Variants in PTPRA observed in about 807,000 individuals in gnomAD.
PTPRA encodes receptor-type tyrosine-protein phosphatase alpha.
Under a neutral mutation model 104.8 loss-of-function variants are expected in PTPRA, and 25 were observed. The observed-to-expected ratio is 0.24, with a 90% CI of 0.17 to 0.33. The LOEUF is 0.33. Among genes scored for constraint, PTPRA ranks in the 10% least tolerant of loss-of-function variants. The probability of loss-of-function intolerance (pLI) is 1.00; values close to 1 mark genes in which losing one functional copy is unlikely to be tolerated. For missense variants in PTPRA, 765 were observed against 1,015.3 expected (o/e 0.75, Z 3.35); for synonymous variants, 323 against 368.9 (o/e 0.88, Z 1.43).
chr20:2,967,503 T>G (rs1417283030), intron 5 of PTPRA, among the ~76,000 whole-genome samples: 1 of 152,236 alleles, frequency 6.6e-6, no homozygotes, highest in Non-Finnish European at 1.5e-5. Context: ...ATAAATGGAT[T>G]GTTTTTCTTG....
intron 19 of PTPRA, 60 bp downstream of exon 19, chr20:3,027,257 G>T (rs1439992744): frequency 2.0e-6 from 3 of 1,509,656 alleles, no homozygotes; most frequent in Non-Finnish European, 2.8e-6. Flanking sequence ...GCCAGCACTT[G>T]CAGTGCCTCC....
intron 2 of PTPRA, among the ~76,000 whole-genome samples, chr20:2,933,011 T>C (rs2060563652): frequency 6.6e-6 from 1 of 152,194 alleles, no homozygotes; most frequent in Non-Finnish European, 1.5e-5. Flanking sequence ...ATTGGGGAGA[T>C]AGATCATATA....
chr20:3,010,496 C>T (rs970284358), intron 11 of PTPRA, among the ~76,000 whole-genome samples: 6 of 152,024 alleles, frequency 3.9e-5, no homozygotes, highest in Non-Finnish European at 5.9e-5. Context: ...GGCGTGGTGG[C>T]GGGCACCTGT....
chr20:2,970,623 A>T (rs2062147228), intron 5 of PTPRA, among the ~76,000 whole-genome samples: 1 of 152,170 alleles, frequency 6.6e-6, no homozygotes. Context: ...GTAAAACTGC[A>T]AATGTTGTTC....
the PTPRA span, chr20:2,866,654 C>A: frequency 6.3e-7 from 1 of 1,579,714 alleles, no homozygotes; most frequent in Non-Finnish European, 8.6e-7. Flanking sequence ...GTTCATCCAG[C>A]TCCTCCCCTA....
intron 1 of PTPRA, among the ~76,000 whole-genome samples, chr20:2,921,245 A>G (rs1380846084): frequency 6.6e-6 from 1 of 151,854 alleles, no homozygotes; most frequent in African/African-American, 2.4e-5. Flanking sequence ...TGATTTAACA[A>G]ATGAGGAAGC....
At chr20:2,988,213 G>T in intron 8 of PTPRA, 108 bp downstream of exon 8, 2 of 1,520,098 alleles carry the variant, frequency 1.3e-6, no homozygotes, top group Middle Eastern at 1.9e-4. Context: ...GAGGAAAAAA[G>T]ATTTTTGAAG....
chr20:2,923,364 C>A, intron 2 of PTPRA, 79 bp downstream of exon 2: 1 of 1,015,002 alleles, frequency 9.9e-7, no homozygotes, highest in Non-Finnish European at 1.3e-6. Flanking sequence ...ACATCACATG[C>A]TTTCCTGCTT....
At chr20:2,948,906 T>C (rs573536848) in intron 3 of PTPRA, among the ~76,000 whole-genome samples, 71 of 151,962 alleles carry the variant, frequency 4.7e-4, no homozygotes, top group South Asian at 1.2e-3. Context: ...GAGCCGAGAT[T>C]GCACCACTGC....
intron 1 of PTPRA, among the ~76,000 whole-genome samples, chr20:2,879,629 T>G (rs572487987): frequency 2.0e-5 from 3 of 152,198 alleles, no homozygotes; most frequent in Non-Finnish European, 4.4e-5. Flanking sequence ...TATACAGTCA[T>G]GCACAGTATA....
At chr20:3,028,484 C>T (rs2065258005) in intron 20 of PTPRA, among the ~76,000 whole-genome samples, 2 of 152,182 alleles carry the variant, frequency 1.3e-5, no homozygotes, top group South Asian at 2.1e-4. Context: ...TAGGAAACCT[C>T]CTAATATTGT....
At chr20:2,979,330 C>T (rs2062573615) in intron 6 of PTPRA, among the ~76,000 whole-genome samples, 1 of 152,160 alleles carries the variant, frequency 6.6e-6, no homozygotes, top group Admixed American at 6.5e-5. Flanking sequence ...ACTTCTCTCC[C>T]TTCTTACTGG....
chr20:2,954,499 A>G (rs1372518128), intron 3 of PTPRA, among the ~76,000 whole-genome samples: 1 of 152,224 alleles, frequency 6.6e-6, no homozygotes, highest in East Asian at 1.9e-4. Flanking sequence ...CTGGGATTAC[A>G]GGCATGAGCC....
intron 1 of PTPRA, among the ~76,000 whole-genome samples, chr20:2,883,870 G>C (rs1041827840): frequency 6.6e-5 from 10 of 152,106 alleles, no homozygotes; most frequent in Non-Finnish European, 1.3e-4. Context: ...CCCCAAAAGA[G>C]ACCCTGCACC....
intron 1 of PTPRA, among the ~76,000 whole-genome samples, chr20:2,910,920 C>CTTTT (rs11473733): frequency 1.1e-4 from 14 of 131,182 alleles, no homozygotes; most frequent in Non-Finnish European, 1.3e-4. Flanking sequence ...TTTATTTTAA[C>CTTTT]TTTTTTTTTT....
At chr20:2,890,675 G>A (rs2058759582) in intron 1 of PTPRA, among the ~76,000 whole-genome samples, 1 of 152,256 alleles carries the variant, frequency 6.6e-6, no homozygotes, top group South Asian at 2.1e-4. Context: ...AAAAAGCTGA[G>A]TAAATGTGAT....
intron 1 of PTPRA, among the ~76,000 whole-genome samples, chr20:2,922,064 A>T (rs1194363272): frequency 6.6e-6 from 1 of 152,158 alleles, no homozygotes; most frequent in Non-Finnish European, 1.5e-5. Context: ...GACAGTCAAA[A>T]CTATCTTTAG....
At chr20:2,995,687 A>G (rs770596634) in intron 9 of PTPRA, among the ~76,000 whole-genome samples, 1 of 152,130 alleles carries the variant, frequency 6.6e-6, no homozygotes, top group Non-Finnish European at 1.5e-5. Context: ...AAATTCAGCA[A>G]CTCGCAAAAT....
At chr20:2,879,281 G>A (rs573556493) in intron 1 of PTPRA, among the ~76,000 whole-genome samples, 2 of 152,336 alleles carry the variant, frequency 1.3e-5, no homozygotes, top group South Asian at 4.1e-4. Context: ...ATGTGCTCAT[G>A]AACCATCTGG....
Sources: gnomAD v4.1 joint callset for allele counts (sites outside exome capture counted in the v4.1 genomes callset) on GRCh38, gnomAD v4.1.1 for gene constraint, MANE v1.5 for transcripts, NCBI Gene and HGNC (gene_info 2026-07-23, HGNC 2026-07-21) for gene names.